SAMD12: variants seen among roughly 807,000 people sequenced by gnomAD.
The protein encoded by SAMD12 is sterile alpha motif domain-containing protein 12.
Under a neutral mutation model 15.0 loss-of-function variants are expected in SAMD12, and 9 were observed. The ratio of observed to expected loss-of-function variants is 0.60; its 90% CI spans 0.36 to 1.05. SAMD12 has a LOEUF of 1.05. Ranked by LOEUF, SAMD12 falls within the 50% of genes least tolerant of loss-of-function variation. The pLI, the probability that SAMD12 is intolerant of heterozygous loss-of-function variation, is 0.01. For missense variants in SAMD12, 230 were observed against 234.2 expected (o/e 0.98, Z 0.12); for synonymous variants, 86 against 90.1 (o/e 0.96, Z 0.25).
intron 2 of SAMD12, among the ~76,000 whole-genome samples, chr8:118,452,665 C>G (rs1823118886): frequency 6.6e-6 from 1 of 152,048 alleles, no homozygotes; most frequent in African/African-American, 2.4e-5. Flanking sequence ...ACTTTTTATC[C>G]TGTTTATTTC....
At chr8:118,347,362 T>C (rs1817717134) in intron 4 of SAMD12, among the ~76,000 whole-genome samples, 1 of 152,210 alleles carries the variant, frequency 6.6e-6, no homozygotes, top group Non-Finnish European at 1.5e-5. Flanking sequence ...CCATTCTGGT[T>C]AGGGAGTGTG....
At chr8:118,561,577 G>A (rs947568565) in intron 2 of SAMD12, among the ~76,000 whole-genome samples, 1 of 152,158 alleles carries the variant, frequency 6.6e-6, no homozygotes, top group East Asian at 1.9e-4. Flanking sequence ...CAGCAGCAAG[G>A]AAAAGTACAG....
At chr8:118,358,898 T>G (rs1271378810) in intron 4 of SAMD12, among the ~76,000 whole-genome samples, 1 of 152,198 alleles carries the variant, frequency 6.6e-6, no homozygotes, top group Non-Finnish European at 1.5e-5. Context: ...TGAAAATATG[T>G]TAACACATCC....
chr8:118,355,793 C>A (rs1167632635), intron 4 of SAMD12, among the ~76,000 whole-genome samples: 1 of 152,144 alleles, frequency 6.6e-6, no homozygotes, highest in East Asian at 1.9e-4. Flanking sequence ...CTTATATATA[C>A]CACCCACTAA....
At chr8:118,291,089 A>G (rs1190947988) in intron 4 of SAMD12, 4 of 152,248 alleles carry the variant, frequency 2.6e-5, no homozygotes, top group African/African-American at 9.6e-5. Context: ...CCCAGTTCCT[A>G]GTACAATGAA....
At chr8:118,149,730 C>T in the SAMD12 span, among the ~76,000 whole-genome samples, 4 of 152,052 alleles carry the variant, frequency 2.6e-5, no homozygotes, top group Admixed American at 1.3e-4. Flanking sequence ...GCCCATGATC[C>T]GTTTTTATTT....
At chr8:118,319,918 A>G (rs7464659) in intron 4 of SAMD12, among the ~76,000 whole-genome samples, 21,170 of 152,198 alleles carry the variant, frequency 0.14, 1,672 homozygotes, top group African/African-American at 0.2. Flanking sequence ...GGAAGCTTAG[A>G]ACTCGCTAGA....
At chr8:118,197,610 C>T in exon 5 of SAMD12, 1 of 1,005,102 alleles carries the variant, frequency 9.9e-7, no homozygotes, top group Non-Finnish European at 1.6e-6. Context: ...GTCCACGATC[C>T]AAGGATATCT....
chr8:118,506,111 C>T (rs186482909), intron 2 of SAMD12, among the ~76,000 whole-genome samples: 12 of 152,230 alleles, frequency 7.9e-5, no homozygotes, highest in South Asian at 6.2e-4. Context: ...AACACTGGTC[C>T]CTATACACTA....
chr8:118,140,785 G>A, the SAMD12 span, among the ~76,000 whole-genome samples: 1 of 152,150 alleles, frequency 6.6e-6, no homozygotes, highest in East Asian at 1.9e-4. Context: ...ACACTTGTAG[G>A]CCATGATAAT....
intron 4 of SAMD12, among the ~76,000 whole-genome samples, chr8:118,312,670 CA>C (rs1815690234): frequency 6.6e-6 from 1 of 152,174 alleles, no homozygotes; most frequent in Non-Finnish European, 1.5e-5. Context: ...CCATGCAGGA[CA>C]GGCTCTCTGT....
At position 118,461,745 on chromosome 8, in the gene SAMD12, G is replaced by A. The variant is rs138361903; in HGVS notation, c.193-21784C>T. On this transcript the variant is annotated intron_variant, in intron 2 of 3. Coordinates refer to ENST00000314727, the MANE Select transcript of SAMD12 (RefSeq NM_207506.3). ...ATAATGTTCACTAGTAAACAGAAAC[G>A]TGCAAAGAAAAACAATCATTGAGTT... 1.2e-3 allele frequency among the ~76,000 whole-genome samples: 190 copies of A among 152,200 alleles called. 2 individuals are homozygous for A. The highest frequency in any genetic ancestry group is 4.4e-3 in the African/African-American group (181 of 41,520).
intron 3 of SAMD12, among the ~76,000 whole-genome samples, chr8:118,389,673 C>T (rs2130748321): frequency 6.6e-6 from 1 of 151,920 alleles, no homozygotes; most frequent in Admixed American, 6.6e-5. Context: ...CGAGATCATG[C>T]CACTGCACTC....
Position 118,306,500 on chromosome 8 carries a change from G to A in SAMD12, c.433+73060C>T, listed in dbSNP as rs139553012. Among the ~76,000 whole-genome samples, 786 of 152,184 alleles carry A rather than the reference G, an allele frequency of 5.2e-3. 2 individuals are homozygous for A. The highest frequency in any genetic ancestry group is 8.1e-3 in the Non-Finnish European group (550 of 68,022). On this transcript the variant is annotated intron_variant, in intron 4 of 4. Coordinates refer to the SAMD12 transcript ENST00000409003. ...CTTCCCCTCTTCTTCCTGTGGCTTG[G>A]AGCATAAATGTGACCACTGGAGTTC...
rs544119650 is a variant in SAMD12, at chr8:118,399,981, T to C, written c.323-20281A>G. The stretch of plus-strand genomic sequence containing the variant: ...CCTCTGCAATACATAATTAGTAAGA[T>C]AAATCTGCTGCTAAAAATTCTGTGT... On this transcript the variant is annotated intron_variant, in intron 3 of 3. Transcript: ENST00000314727. Among the ~76,000 whole-genome samples, 4 of 152,316 alleles carry C rather than the reference T, an allele frequency of 2.6e-5. No individual in the cohort carries two copies. In the South Asian group the frequency reaches 8.3e-4, roughly 32 times the overall value.
chr8:118,472,329 C>G (rs1479372228), intron 2 of SAMD12, among the ~76,000 whole-genome samples: 1 of 151,790 alleles, frequency 6.6e-6, no homozygotes, highest in Admixed American at 6.6e-5. Context: ...ATGCCAAGCA[C>G]CTTTCAGACT....
chr8:118,346,406 A>G (rs1202239163), intron 4 of SAMD12, among the ~76,000 whole-genome samples: 1 of 152,160 alleles, frequency 6.6e-6, no homozygotes, highest in East Asian at 1.9e-4. Context: ...TATATATTCA[A>G]TCTATGTGTC....
intron 4 of SAMD12, among the ~76,000 whole-genome samples, chr8:118,205,860 G>A (rs1199840996): frequency 6.6e-6 from 1 of 152,140 alleles, no homozygotes; most frequent in African/African-American, 2.4e-5. Context: ...CATTGAGAAC[G>A]TGAGAGAAAA....
At chr8:118,240,152 G>A (rs575705924) in intron 4 of SAMD12, among the ~76,000 whole-genome samples, 1 of 152,058 alleles carries the variant, frequency 6.6e-6, no homozygotes, top group African/African-American at 2.4e-5. Flanking sequence ...ACATGATGAG[G>A]AGCTAACGCT....
Sources: allele counts gnomAD v4.1 joint callset (sites outside exome capture counted in the v4.1 genomes callset), GRCh38; gene constraint gnomAD v4.1.1; transcripts MANE v1.5; gene names NCBI Gene and HGNC (gene_info 2026-07-23, HGNC 2026-07-21).